The following BCL7C variants were observed in gnomAD, a reference collection of about 807,000 sequenced individuals.
BCL7C encodes BAF chromatin remodeling complex subunit BCL7C, also known as B-cell CLL/lymphoma 7 protein family member C.
In BCL7C, 8 loss-of-function variants were observed where a neutral mutation model predicts 26.2. The observed-to-expected ratio is 0.30, with a 90% CI of 0.18 to 0.55. The LOEUF (loss-of-function observed/expected upper bound fraction) is 0.55. Among genes scored for constraint, BCL7C ranks in the 20% least tolerant of loss-of-function variants. The pLI is 0.93. For synonymous variants in BCL7C, 90 were observed against 116.5 expected (o/e 0.77, Z 1.47); for missense variants, 262 against 298.5 (o/e 0.88, Z 0.90).
chr16:30,872,620 G>T (rs376879719), intron 5 of BCL7C, among the ~76,000 whole-genome samples: 23 of 152,310 alleles, frequency 1.5e-4, no homozygotes, highest in East Asian at 1.3e-3. Flanking sequence ...ATATTTGTTA[G>T]AAGAGGTACC....
chr16:30,842,533 A>G (rs2151360015), intron 5 of BCL7C, among the ~76,000 whole-genome samples: 1 of 152,338 alleles, frequency 6.6e-6, no homozygotes, highest in Middle Eastern at 3.4e-3. Context: ...CTCAGAAACC[A>G]GAGGAGGGAA....
At chr16:30,874,660 G>A (rs1372091540) in intron 5 of BCL7C, among the ~76,000 whole-genome samples, 2 of 152,226 alleles carry the variant, frequency 1.3e-5, no homozygotes, top group South Asian at 4.1e-4. Context: ...AAGACTTAAA[G>A]ACCCCTGAGC....
downstream of BCL7C, among the ~76,000 whole-genome samples, chr16:30,884,492 GTTTTT>G (rs71149066): frequency 9.2e-5 from 9 of 98,286 alleles, no homozygotes; most frequent in Non-Finnish European, 1.9e-4. Flanking sequence ...ATCTCCATTT[GTTTTT>G]TTTTTTTTTT....
chr16:30,843,081 T>C (rs1454436547), intron 5 of BCL7C, among the ~76,000 whole-genome samples: 1 of 152,232 alleles, frequency 6.6e-6, no homozygotes, highest in Non-Finnish European at 1.5e-5. Context: ...CAACTGCCCA[T>C]GCGTTAGTAT....
At chr16:30,867,091 A>G (rs553743308) in intron 5 of BCL7C, among the ~76,000 whole-genome samples, 9 of 152,238 alleles carry the variant, frequency 5.9e-5, no homozygotes, top group African/African-American at 2.2e-4. Flanking sequence ...AAACCAAATG[A>G]CTTTTAAAAT....
chr16:30,881,117 C>T (rs2055036146), intron 5 of BCL7C, among the ~76,000 whole-genome samples: 1 of 152,192 alleles, frequency 6.6e-6, no homozygotes, highest in East Asian at 1.9e-4. Context: ...TGCCTGCAGG[C>T]CGGGTGCCGT....
At chr16:30,843,145 A>G (rs923539092) in intron 5 of BCL7C, among the ~76,000 whole-genome samples, 2 of 152,208 alleles carry the variant, frequency 1.3e-5, no homozygotes, top group African/African-American at 2.4e-5. Context: ...AATCAAACAT[A>G]CTAGTCAAAA....
chr16:30,869,375 A>AT lies in BCL7C; in HGVS notation c.528+19484dup, dbSNP rs377604180. ...AGGCGCCTGCCACTGTGCCCAGCTC[A>AT]TTTTTTTTTACTTTTTGTAGAGATG... On this transcript the variant is annotated intron_variant, in intron 5 of 5. Transcript: ENST00000380317. 1.2e-3 allele frequency among the ~76,000 whole-genome samples: 174 copies of AT among 149,810 alleles called. 7 individuals are homozygous for AT. Among genetic ancestry groups the AT allele is most frequent in the African/African-American group, 3.7e-3 (149 of 40,740 alleles).
chr16:30,859,251 A>G (rs1320575530), intron 5 of BCL7C, among the ~76,000 whole-genome samples: 1 of 152,234 alleles, frequency 6.6e-6, no homozygotes, highest in African/African-American at 2.4e-5. Flanking sequence ...AGTTCAGCTT[A>G]GACGGTGGAG....
At chr16:30,879,703 A>AAAAAAAAAAAAAAAAAAAAAC in intron 5 of BCL7C, among the ~76,000 whole-genome samples, 1 of 145,904 alleles carries the variant, frequency 6.9e-6, no homozygotes. Flanking sequence ...AAAAAAAAAA[A>AAAAAAAAAAAAAAAAAAAAAC]AAAAAACTGG....
chr16:30,890,260 G>A lies in BCL7C; in HGVS notation c.443-1315C>T, dbSNP rs143604729. On this transcript the variant is annotated intron_variant, in intron 4 of 5. Coordinates refer to ENST00000215115, the MANE Select transcript of BCL7C (RefSeq NM_004765.4). ...AATACAAAAATTAGCCGGGTGTGGTGTTGTGCAGCCTGTAATCCCAGCTAC... is the reference window on the plus strand; with the variant it reads ...AATACAAAAATTAGCCGGGTGTGGTATTGTGCAGCCTGTAATCCCAGCTAC... Among the ~76,000 whole-genome samples, 12 of 152,014 alleles carry A rather than the reference G, an allele frequency of 7.9e-5. No homozygotes were observed. In the East Asian group the frequency reaches 2.1e-3, roughly 27 times the overall value.
At chr16:30,842,062 G>A (rs544412520) in intron 5 of BCL7C, among the ~76,000 whole-genome samples, 45 of 149,284 alleles carry the variant, frequency 3.0e-4, no homozygotes, top group African/African-American at 1.0e-3. Context: ...TTTTATTCCC[G>A]TGTTCACCCC....
chr16:30,857,157 G>A (rs140227530), intron 5 of BCL7C, among the ~76,000 whole-genome samples: 12 of 152,206 alleles, frequency 7.9e-5, no homozygotes, highest in African/African-American at 2.9e-4. Context: ...GGGAGGCCGA[G>A]GCGGGCAGAT....
intron 5 of BCL7C, among the ~76,000 whole-genome samples, chr16:30,837,951 T>G (rs2054579478): frequency 6.6e-6 from 1 of 152,228 alleles, no homozygotes; most frequent in African/African-American, 2.4e-5. Context: ...CAAGTCCTAC[T>G]GGCTATCTTA....
intron 5 of BCL7C, among the ~76,000 whole-genome samples, chr16:30,840,956 G>C (rs562682197): frequency 1.3e-5 from 2 of 152,250 alleles, no homozygotes; most frequent in Non-Finnish European, 2.9e-5. Context: ...TATAATTCAC[G>C]ATGAGATTTG....
At chr16:30,874,319 G>C (rs2054915264) in intron 5 of BCL7C, among the ~76,000 whole-genome samples, 1 of 151,876 alleles carries the variant, frequency 6.6e-6, no homozygotes, top group Non-Finnish European at 1.5e-5. Flanking sequence ...TAAACTCCTT[G>C]AGTTAATTAA....
chr16:30,875,592 G>A lies in BCL7C; in HGVS notation c.528+13268C>T, dbSNP rs546870563. The A allele has an allele frequency of 6.8e-3, 1,041 of 152,320 alleles. 6 individuals carry two copies. The highest frequency in any genetic ancestry group is 0.012 in the Admixed American group (178 of 15,298). 9.4% of individuals were successfully genotyped at this position (152,320 alleles called of 1,614,324 possible). ...CGCCCAGCGGGGCTGGTTTCACTCA[G>A]TCCAGCCGCACCTACCCGTGCCCTC... On this transcript the variant is annotated intron_variant, in intron 5 of 5. Transcript: ENST00000380317.
intron 5 of BCL7C, among the ~76,000 whole-genome samples, chr16:30,860,434 G>T (rs4889536): frequency 0.73 from 111,572 of 151,974 alleles, 41,473 homozygotes; most frequent in East Asian, 0.91. Flanking sequence ...CCTCCTTTGC[G>T]ATGGGCAAGC....
At chr16:30,867,023 C>T (rs779053187) in intron 5 of BCL7C, among the ~76,000 whole-genome samples, 1 of 152,186 alleles carries the variant, frequency 6.6e-6, no homozygotes, top group Non-Finnish European at 1.5e-5. Context: ...TACTGCACTC[C>T]ATCCTGGATG....
Sources: allele counts gnomAD v4.1 joint callset (sites outside exome capture counted in the v4.1 genomes callset), GRCh38; gene constraint gnomAD v4.1.1; transcripts MANE v1.5; gene names NCBI Gene and HGNC (gene_info 2026-07-23, HGNC 2026-07-21).